The following KLF7 variants were observed in gnomAD, a reference collection of about 807,000 sequenced individuals.
KLF7 encodes KLF transcription factor 7, also known as Krueppel-like factor 7.
In KLF7, 2 loss-of-function variants were observed where a neutral mutation model predicts 27.3. The observed-to-expected ratio is 0.07, with a 90% confidence interval of 0.03 to 0.23. The LOEUF (loss-of-function observed/expected upper bound fraction) is 0.23, where lower values mean the gene tolerates loss of function less well. Among genes scored for constraint, KLF7 ranks in the 10% least tolerant of loss-of-function variants. The pLI, the probability that KLF7 is intolerant of heterozygous loss-of-function variation, is 1.00. For synonymous variants in KLF7, 165 were observed against 162.4 expected (o/e 1.02, Z -0.12); for missense variants, 221 against 394.1 (o/e 0.56, Z 3.72).
chr2:207,153,248 T>C (rs887938521), intron 1 of KLF7, among the ~76,000 whole-genome samples: 4 of 152,152 alleles, frequency 2.6e-5, no homozygotes, highest in African/African-American at 7.2e-5. Context: ...TCAGGTATAC[T>C]CAGTTCACAT....
chr2:207,115,229 G>T (rs1353624417), intron 2 of KLF7, among the ~76,000 whole-genome samples: 1 of 151,656 alleles, frequency 6.6e-6, no homozygotes, highest in Non-Finnish European at 1.5e-5. Context: ...GGACAAAGCT[G>T]GACTGAGGCT....
At chr2:207,144,204 G>C (rs908570705) in intron 1 of KLF7, among the ~76,000 whole-genome samples, 2 of 151,886 alleles carry the variant, frequency 1.3e-5, no homozygotes, top group African/African-American at 4.8e-5. Flanking sequence ...CTGAGCAAAG[G>C]CTGGGTGGCA....
chr2:207,124,282 A>G lies in KLF7; in HGVS notation c.225T>C (p.Arg75=). The G allele has an allele frequency of 6.2e-7, 1 of 1,614,056 alleles. No individual in the cohort carries two copies. The highest frequency in any genetic ancestry group is 8.5e-7 in the Non-Finnish European group (1 of 1,179,978). The change falls in exon 2 of 4, where the codon CGT becomes CGC. Residue 75 remains arginine, a synonymous_variant. Transcript: ENST00000309446. ...CGGGGAGCAGCAGGGGGTCTAAGCG[A>G]CGGAAGCTTTCCTCAATGCACGGGG... is the stretch of plus-strand genomic sequence containing the variant. ...SPPPCIEESF[R]RLDPLLLPVE...
At chr2:207,170,235 GCAA>G (rs1416522923), upstream of KLF7, among the ~76,000 whole-genome samples, 4 of 152,294 alleles carry the variant, frequency 2.6e-5, no homozygotes, top group South Asian at 4.1e-4. Context: ...GATCAAACCA[GCAA>G]CAACATTCTT....
intron 3 of KLF7, 34 bp downstream of exon 3, chr2:207,088,424 C>T (rs2076439338): frequency 6.2e-7 from 1 of 1,604,230 alleles, no homozygotes; most frequent in Non-Finnish European, 8.5e-7. Context: ...CCCCATCTCT[C>T]CTCCCTAGCC....
At chr2:207,087,521 T>G (rs1376131569) in intron 3 of KLF7, among the ~76,000 whole-genome samples, 1 of 152,164 alleles carries the variant, frequency 6.6e-6, no homozygotes, top group Non-Finnish European at 1.5e-5. Context: ...GCCAGGCCCC[T>G]GCTGCCATCC....
chr2:207,147,099 T>C (rs1167732866), intron 1 of KLF7, among the ~76,000 whole-genome samples: 1 of 152,132 alleles, frequency 6.6e-6, no homozygotes, highest in African/African-American at 2.4e-5. Context: ...TCTTCTCAAA[T>C]AGGTTAAGAG....
At chr2:207,088,260 G>GA (rs2105870531) in intron 3 of KLF7, among the ~76,000 whole-genome samples, 198 bp downstream of exon 3, 1 of 152,256 alleles carries the variant, frequency 6.6e-6, no homozygotes, top group East Asian at 1.9e-4. Flanking sequence ...ACTGAACCAA[G>GA]AATTCACACC....
chr2:207,154,276 T>A (rs2078321498), intron 1 of KLF7, among the ~76,000 whole-genome samples: 1 of 152,182 alleles, frequency 6.6e-6, no homozygotes. Context: ...CACTGTATTA[T>A]GTTATATATG....
At chr2:207,110,060 G>GGAT (rs1268296297) in intron 2 of KLF7, 1 of 154,814 alleles carries the variant, frequency 6.5e-6, no homozygotes, top group Non-Finnish European at 1.5e-5. Context: ...TTGTATCTGG[G>GGAT]GATGACACGT....
rs528745802 is a variant in KLF7, at chr2:207,074,222, G to T, written c.*6991C>A. 1 of 152,160 alleles carries T rather than the reference G, an allele frequency of 6.6e-6. No individual in the cohort carries two copies. Among genetic ancestry groups the T allele is most frequent in the South Asian group, 2.1e-4 (1 of 4,826 alleles). The allele number at this position is 152,160 out of a possible 1,614,324, so 9.4% of individuals were successfully genotyped here. ...GTTATTCACCACCGTATCCACTTCT[G>T]TAAGTCCAAAGAATGCAAAGAAAGC... On this transcript the variant is annotated 3_prime_UTR_variant, in exon 4 of 4. Transcript: ENST00000309446.
rs139203577 is a variant in KLF7, at chr2:207,164,009, C to A, written c.102+1458G>T. On this transcript the variant is annotated intron_variant, in intron 1 of 3. Coordinates refer to ENST00000309446, the MANE Select transcript of KLF7 (RefSeq NM_003709.4). ...AGAGACAGAGTCAAGCATCTGCTAG[C>A]GTCCTTGGACAAGAATGCATGTGTG... 3.9e-3 allele frequency among the ~76,000 whole-genome samples: 597 copies of A among 152,336 alleles called. 3 individuals carry two copies. Among genetic ancestry groups the A allele is most frequent in the Non-Finnish European group, 5.2e-3 (354 of 68,036 alleles).
At chr2:207,105,454 C>A (rs2076859960) in intron 2 of KLF7, among the ~76,000 whole-genome samples, 1 of 152,186 alleles carries the variant, frequency 6.6e-6, no homozygotes, top group Non-Finnish European at 1.5e-5. Flanking sequence ...GATAGACACC[C>A]AGCTAATAAG....
chr2:207,080,196 C>T lies in KLF7; in HGVS notation c.*1017G>A, dbSNP rs553694521. On this transcript the variant is annotated 3_prime_UTR_variant, in exon 4 of 4. Transcript: ENST00000309446. ...CTGACTGGCTGCTTCGAGAGCTGGA[C>T]ATCCAGGTGCCGAGAGAGTCCTGGA... The T allele has an allele frequency of 6.6e-6, 1 of 152,304 alleles. No individual in the cohort carries two copies. Among genetic ancestry groups the T allele is most frequent in the East Asian group, 1.9e-4 (1 of 5,184 alleles). The allele number at this position is 152,304 out of a possible 1,614,324, so 9.4% of individuals were successfully genotyped here.
chr2:207,167,594 TTTAC>T (rs760720215), upstream of KLF7, among the ~76,000 whole-genome samples: 1 of 152,242 alleles, frequency 6.6e-6, no homozygotes, highest in Non-Finnish European at 1.5e-5. Flanking sequence ...GCCTGATTTA[TTTAC>T]TTGTTAGTGT....
intron 1 of KLF7, among the ~76,000 whole-genome samples, chr2:207,148,227 T>A (rs1233952465): frequency 6.6e-6 from 1 of 152,234 alleles, no homozygotes; most frequent in Non-Finnish European, 1.5e-5. Flanking sequence ...TGTGGAAGTT[T>A]GAGCCAAAGG....
intron 1 of KLF7, among the ~76,000 whole-genome samples, chr2:207,160,911 T>A (rs556078843): frequency 6.6e-6 from 1 of 152,340 alleles, no homozygotes; most frequent in East Asian, 1.9e-4. Flanking sequence ...GCTCTGCCTT[T>A]TAAATGGATG....
At chr2:207,168,493 G>A (rs953793415), upstream of KLF7, among the ~76,000 whole-genome samples, 2 of 152,158 alleles carry the variant, frequency 1.3e-5, no homozygotes, top group Non-Finnish European at 2.9e-5. Flanking sequence ...AAGAGCATCT[G>A]ACTCCCCACA....
At chr2:207,101,798 C>T (rs963180097) in intron 2 of KLF7, among the ~76,000 whole-genome samples, 1 of 152,118 alleles carries the variant, frequency 6.6e-6, no homozygotes. Context: ...TTCTTCTGCT[C>T]GCCTAACTTC....
Sources: allele counts gnomAD v4.1 joint callset (sites outside exome capture counted in the v4.1 genomes callset), GRCh38; gene constraint gnomAD v4.1.1; transcripts MANE v1.5; gene names NCBI Gene and HGNC (gene_info 2026-07-23, HGNC 2026-07-21).